Variants in PTPRD observed in about 807,000 individuals in gnomAD.
PTPRD encodes protein tyrosine phosphatase receptor type D.
Under a neutral mutation model 214.5 loss-of-function variants are expected in PTPRD, and 34 were observed. That is an observed-to-expected ratio of 0.16 (90% CI 0.12 to 0.21). The LOEUF (loss-of-function observed/expected upper bound fraction) is 0.21, where lower values mean the gene tolerates loss of function less well. PTPRD is among the 10% of genes least tolerant of loss of function. The probability of loss-of-function intolerance (pLI) is 1.00; values close to 1 mark genes in which losing one functional copy is unlikely to be tolerated. For missense variants in PTPRD, 2,545 were observed against 2,398.7 expected, an observed-to-expected ratio of 1.06 and a Z score of -1.27; for synonymous variants, 1,128 against 845.7, an observed-to-expected ratio of 1.33 and a Z score of -5.79.
chr9:8,475,409 C>G (rs139726712), intron 30 of PTPRD, among the ~76,000 whole-genome samples: 3 of 152,274 alleles, frequency 2.0e-5, no homozygotes, highest in Non-Finnish European at 2.9e-5. Flanking sequence ...TGCGGCCCAG[C>G]TACAATGGTG....
intron 8 of PTPRD, among the ~76,000 whole-genome samples, chr9:9,527,449 T>A (rs2074382218): frequency 6.6e-6 from 1 of 152,226 alleles, no homozygotes; most frequent in Non-Finnish European, 1.5e-5. Flanking sequence ...TGGTACTAAC[T>A]GTCTCTTCAT....
intron 5 of PTPRD, among the ~76,000 whole-genome samples, chr9:9,913,513 G>T (rs563003596): frequency 1.3e-5 from 2 of 152,266 alleles, no homozygotes; most frequent in South Asian, 4.1e-4. Context: ...AGATTGGACT[G>T]GAGTGTCGAA....
chr9:10,385,467 C>A, intron 2 of PTPRD, among the ~76,000 whole-genome samples: 1 of 151,522 alleles, frequency 6.6e-6, no homozygotes, highest in African/African-American at 2.4e-5. Flanking sequence ...TACTGAGAGA[C>A]CAATAAAAAA....
At chr9:9,055,786 T>C (rs1020686451) in intron 10 of PTPRD, among the ~76,000 whole-genome samples, 3 of 149,842 alleles carry the variant, frequency 2.0e-5, no homozygotes, top group African/African-American at 7.3e-5. Flanking sequence ...TACTATCTAT[T>C]AATATATTTT....
At chr9:10,230,402 C>A (rs62538657) in intron 3 of PTPRD, among the ~76,000 whole-genome samples, 1 of 141,730 alleles carries the variant, frequency 7.1e-6, no homozygotes, top group Non-Finnish European at 1.6e-5. Flanking sequence ...CTATCTATCT[C>A]TCTATGTATC....
chr9:9,510,383 A>G (rs1292619367), intron 8 of PTPRD, among the ~76,000 whole-genome samples: 1 of 151,654 alleles, frequency 6.6e-6, no homozygotes, highest in Admixed American at 6.6e-5. Context: ...ACTTCCCAGC[A>G]TATATTAGGC....
rs544996445 is a variant in PTPRD at position 9,778,714 on chromosome 9, C to T, written c.-367-11863G>A. ...TCTACGTTCATACACTCCTGGTGACCGAGAATTACATCAGATCCCCAAATA... is the reference window on the plus strand; with the variant it reads ...TCTACGTTCATACACTCCTGGTGACTGAGAATTACATCAGATCCCCAAATA... On this transcript the variant is annotated intron_variant, in intron 5 of 45. Transcript: ENST00000381196. Among the ~76,000 whole-genome samples the T allele has an allele frequency of 7.9e-5, 12 of 152,208 alleles. No homozygotes were observed. The East Asian group carries it at 1.5e-3, about 20-fold the overall frequency.
At chr9:8,539,382 A>G (rs1593141584) in intron 14 of PTPRD, among the ~76,000 whole-genome samples, 1 of 152,008 alleles carries the variant, frequency 6.6e-6, no homozygotes. Context: ...AATGATATTA[A>G]TTTAGAAAAT....
intron 3 of PTPRD, among the ~76,000 whole-genome samples, chr9:10,303,636 T>C (rs980959734): frequency 2.5e-4 from 38 of 152,122 alleles, no homozygotes; most frequent in African/African-American, 9.2e-4. Flanking sequence ...TATAATCATC[T>C]GTAGGCAAAT....
chr9:10,063,220 C>A (rs1236094954), intron 3 of PTPRD, among the ~76,000 whole-genome samples: 1 of 152,058 alleles, frequency 6.6e-6, no homozygotes, highest in Non-Finnish European at 1.5e-5. Flanking sequence ...AACTGTTCCA[C>A]TTCTGTCAAC....
intron 7 of PTPRD, among the ~76,000 whole-genome samples, chr9:9,684,286 G>T (rs1443043226): frequency 6.6e-6 from 1 of 151,546 alleles, no homozygotes; most frequent in African/African-American, 2.4e-5. Context: ...TACCTTTCTG[G>T]ACTAGTCACC....
At chr9:9,677,499 C>T (rs1309452264) in intron 7 of PTPRD, among the ~76,000 whole-genome samples, 2 of 152,044 alleles carry the variant, frequency 1.3e-5, no homozygotes, top group East Asian at 3.9e-4. Flanking sequence ...GCAGAAAAGG[C>T]CTTTGACAAA....
chr9:9,268,359 G>GA (rs1941140236), intron 9 of PTPRD, among the ~76,000 whole-genome samples: 2 of 150,212 alleles, frequency 1.3e-5, no homozygotes, highest in African/African-American at 2.4e-5. Context: ...GAAAGAAATG[G>GA]AAAAAACGCA....
intron 4 of PTPRD, among the ~76,000 whole-genome samples, chr9:9,998,146 A>ATATATATATATATATAT (rs1566998658): frequency 2.2e-5 from 3 of 137,754 alleles, no homozygotes; most frequent in African/African-American, 8.4e-5. Context: ...ATATATATAT[A>ATATATATATATATATAT]AAAGAAGAAG....
intron 11 of PTPRD, among the ~76,000 whole-genome samples, chr9:8,964,088 C>T (rs985939035): frequency 6.6e-6 from 1 of 151,316 alleles, no homozygotes; most frequent in Non-Finnish European, 1.5e-5. Flanking sequence ...AGGAGTCCCT[C>T]CTCCTTGATT....
At chr9:10,187,745 T>C (rs1290278376) in intron 3 of PTPRD, among the ~76,000 whole-genome samples, 3 of 152,254 alleles carry the variant, frequency 2.0e-5, no homozygotes, top group South Asian at 2.1e-4. Flanking sequence ...TGGGTTATTC[T>C]GCCACATCTG....
chr9:10,290,565 A>G (rs2095499065), intron 3 of PTPRD, among the ~76,000 whole-genome samples: 2 of 152,160 alleles, frequency 1.3e-5, no homozygotes, highest in African/African-American at 4.8e-5. Context: ...ACATTATAAT[A>G]TATGCATAGA....
chr9:8,704,855 G>A (rs1017792389), intron 12 of PTPRD, among the ~76,000 whole-genome samples: 3 of 151,882 alleles, frequency 2.0e-5, no homozygotes, highest in Admixed American at 1.3e-4. Flanking sequence ...CCCGGGAGGT[G>A]GAGGTTGCAG....
At chr9:10,564,426 C>A (rs1385400205) in intron 2 of PTPRD, among the ~76,000 whole-genome samples, 10 of 148,776 alleles carry the variant, frequency 6.7e-5, no homozygotes, top group African/African-American at 2.5e-4. Flanking sequence ...ACTGAAGGAA[C>A]TAAGAAGGTT....
Sources: allele counts gnomAD v4.1 joint callset (sites outside exome capture counted in the v4.1 genomes callset), GRCh38; gene constraint gnomAD v4.1.1; transcripts MANE v1.5; gene names NCBI Gene and HGNC (gene_info 2026-07-23, HGNC 2026-07-21).